The following TENM3 variants were observed in gnomAD, a reference collection of about 807,000 sequenced individuals.
The protein encoded by TENM3 is teneurin-3.
TENM3 carries 63 observed loss-of-function variants against 255.1 expected under a neutral mutation model. The observed-to-expected ratio is 0.25, with a 90% CI of 0.20 to 0.30. The LOEUF (loss-of-function observed/expected upper bound fraction) is 0.30. Among genes scored for constraint, TENM3 ranks in the 10% least tolerant of loss-of-function variants. The probability of loss-of-function intolerance (pLI) is 1.00; values close to 1 mark genes in which losing one functional copy is unlikely to be tolerated. For synonymous variants in TENM3, 1,306 were observed against 1,322.3 expected (o/e 0.99, Z 0.27); for missense variants, 2,929 against 3,461.1 (o/e 0.85, Z 3.86).
chr4:181,977,333 T>C, the TENM3 span, among the ~76,000 whole-genome samples: 1 of 152,198 alleles, frequency 6.6e-6, no homozygotes, highest in African/African-American at 2.4e-5. Flanking sequence ...AGTAAATGTA[T>C]GTAAATTAAG....
intron 3 of TENM3, among the ~76,000 whole-genome samples, chr4:182,442,760 TTGTGTG>T (rs113143926): frequency 2.7e-5 from 4 of 148,812 alleles, no homozygotes; most frequent in African/African-American, 5.0e-5. Context: ...CTCGACTAAT[TTGTGTG>T]TGTGTGTGTG....
the TENM3 span, among the ~76,000 whole-genome samples, chr4:182,058,954 G>GTC: frequency 6.9e-6 from 1 of 144,690 alleles, no homozygotes; most frequent in African/African-American, 2.8e-5. Flanking sequence ...TCGTGTGTGT[G>GTC]TGTGTGTGTG....
chr4:182,348,118 G>A (rs1048077332), intron 3 of TENM3, among the ~76,000 whole-genome samples: 50 of 151,946 alleles, frequency 3.3e-4, no homozygotes, highest in African/African-American at 1.2e-3. Flanking sequence ...CTTATCCTAA[G>A]TAGAATATCT....
the TENM3 span, among the ~76,000 whole-genome samples, chr4:181,512,137 T>C: frequency 6.6e-6 from 1 of 152,174 alleles, no homozygotes; most frequent in Non-Finnish European, 1.5e-5. Context: ...GCCAAGCTCC[T>C]GTGCCACTCT....
In TENM3 at chr4:182,444,909, G is replaced by A. The variant is rs533082459; in HGVS notation, c.511+97980G>A. 2.9e-4 allele frequency among the ~76,000 whole-genome samples: 44 copies of A among 152,274 alleles called. No individual in the cohort carries two copies. The South Asian group carries it at 5.6e-3, about 19-fold the overall frequency. ...TGCAACCTCCACCTCCCATGTTCAAGTGATTCTCCTGCCCTAGCCTCTCGA... is the reference window on the plus strand; with the variant it reads ...TGCAACCTCCACCTCCCATGTTCAAATGATTCTCCTGCCCTAGCCTCTCGA... On this transcript the variant is annotated intron_variant, in intron 3 of 27. Transcript: ENST00000511685.
intron 1 of TENM3, among the ~76,000 whole-genome samples, chr4:182,268,218 A>G (rs1481975716): frequency 6.6e-6 from 1 of 152,202 alleles, no homozygotes; most frequent in African/African-American, 2.4e-5. Context: ...ATACAGGACA[A>G]GCTTACTGAA....
the TENM3 span, among the ~76,000 whole-genome samples, chr4:181,592,277 A>ACACACACACACACACACACG: frequency 6.6e-6 from 1 of 151,674 alleles, no homozygotes; most frequent in Non-Finnish European, 1.5e-5. Flanking sequence ...ACACACACAC[A>ACACACACACACACACACACG]GAGCTGAGAA....
chr4:182,250,048 TTTTTTC>T lies in TENM3; in HGVS notation c.-76+6578_-76+6583del, dbSNP rs1757899545. On this transcript the variant is annotated intron_variant, in intron 1 of 27. Transcript: ENST00000511685. ...TCTGGTCATTTTTCTTTTTCTTTTC[TTTTTTC>T]TTTTTTTTTTTTTTTTGAGACGGAG... 4.7e-5 allele frequency among the ~76,000 whole-genome samples: 7 copies of T among 147,706 alleles called. No individual in the cohort carries two copies. In the South Asian group the frequency reaches 6.3e-4, roughly 13 times the overall value.
chr4:182,127,759 G>A, the TENM3 span, among the ~76,000 whole-genome samples: 1 of 152,092 alleles, frequency 6.6e-6, no homozygotes, highest in African/African-American at 2.4e-5. Flanking sequence ...GCAAGCAATG[G>A]TTTTGCAATT....
At chr4:182,735,315 A>G (rs534752385) in intron 16 of TENM3, among the ~76,000 whole-genome samples, 3 of 152,288 alleles carry the variant, frequency 2.0e-5, no homozygotes, top group South Asian at 2.1e-4. Context: ...GTCCCTCTTC[A>G]TGCCAACACT....
intron 3 of TENM3, among the ~76,000 whole-genome samples, chr4:182,479,490 T>C (rs1733988513): frequency 6.6e-6 from 1 of 151,918 alleles, no homozygotes; most frequent in African/African-American, 2.4e-5. Flanking sequence ...AATTGGAAAG[T>C]GTAGCATCTT....
At chr4:182,244,559 G>A (rs1190321243) in intron 1 of TENM3, among the ~76,000 whole-genome samples, 1 of 152,146 alleles carries the variant, frequency 6.6e-6, no homozygotes, top group Non-Finnish European at 1.5e-5. Flanking sequence ...GAAATTTTAA[G>A]ATGCCTCAGC....
intron 3 of TENM3, among the ~76,000 whole-genome samples, chr4:182,485,654 A>T (rs1370100033): frequency 5.3e-5 from 4 of 75,750 alleles, no homozygotes; most frequent in African/African-American, 1.2e-4. Flanking sequence ...GTTTGATATG[A>T]TTTATCTGTG....
At chr4:182,622,401 G>A (rs1210221143) in intron 4 of TENM3, among the ~76,000 whole-genome samples, 1 of 152,146 alleles carries the variant, frequency 6.6e-6, no homozygotes, top group Admixed American at 6.6e-5. Flanking sequence ...GCCAAGATTG[G>A]TGATCTCATG....
intron 3 of TENM3, among the ~76,000 whole-genome samples, chr4:182,577,074 A>C (rs1745000568): frequency 6.6e-6 from 1 of 152,128 alleles, no homozygotes. Flanking sequence ...GTCATGCCTT[A>C]GCCTCTTTCG....
At chr4:181,579,224 C>T in the TENM3 span, among the ~76,000 whole-genome samples, 1 of 152,012 alleles carries the variant, frequency 6.6e-6, no homozygotes, top group Non-Finnish European at 1.5e-5. Context: ...GAGCCCACCC[C>T]ACTGTGACCG....
chr4:182,401,871 A>C (rs1039465985), intron 3 of TENM3, among the ~76,000 whole-genome samples: 4 of 152,182 alleles, frequency 2.6e-5, no homozygotes, highest in African/African-American at 9.7e-5. Context: ...ATGAAAACTT[A>C]ATAAGGAATT....
chr4:182,446,000 C>T (rs1176194038), intron 3 of TENM3, among the ~76,000 whole-genome samples: 1 of 152,132 alleles, frequency 6.6e-6, no homozygotes, highest in African/African-American at 2.4e-5. Context: ...TGGTGGACTC[C>T]TGTATTTAAA....
intron 1 of TENM3, among the ~76,000 whole-genome samples, chr4:182,284,924 C>G (rs1171519796): frequency 6.6e-6 from 1 of 152,070 alleles, no homozygotes; most frequent in Non-Finnish European, 1.5e-5. Context: ...GTGTGGACCC[C>G]ATGAAGAATC....
Sources: allele counts gnomAD v4.1 joint callset (sites outside exome capture counted in the v4.1 genomes callset), GRCh38; gene constraint gnomAD v4.1.1; transcripts MANE v1.5; gene names NCBI Gene and HGNC (gene_info 2026-07-23, HGNC 2026-07-21).